The following SCLY variants were observed in gnomAD, a reference collection of about 807,000 sequenced individuals.
SCLY encodes the protein selenocysteine lyase.
Under a neutral mutation model 50.1 loss-of-function variants are expected in SCLY, and 38 were observed. The ratio of observed to expected loss-of-function variants is 0.76; its 90% CI spans 0.59 to 0.99. The LOEUF (loss-of-function observed/expected upper bound fraction) is 0.99. SCLY is among the 50% of genes least tolerant of loss of function. The probability of loss-of-function intolerance (pLI) is 0.00; values close to 1 mark genes in which losing one functional copy is unlikely to be tolerated. For synonymous variants in SCLY, 243 were observed against 249.4 expected (o/e 0.97, Z 0.24); for missense variants, 600 against 620.0 (o/e 0.97, Z 0.34).
intron 10 of SCLY, chr2:238,094,779 G>T (rs145501870): frequency 1.8e-5 from 8 of 437,182 alleles, no homozygotes; most frequent in African/African-American, 1.6e-4. Context: ...GCAAACTCTC[G>T]TGTCTGGCAT....
At position 238,093,870 on chromosome 2, in the gene SCLY, C is replaced by G; in HGVS notation, c.931C>G (p.Leu311Val). 6.2e-7 allele frequency: 1 copy of G among 1,613,900 alleles called. No individual in the cohort carries two copies. The highest frequency in any genetic ancestry group is 8.5e-7 in the Non-Finnish European group (1 of 1,179,958). ...GTGTGTCTGCCCCCAGGCCGCGGAG[C>G]TGGTGACCCAGAACTGCGAGGCTTA... The part of the protein sequence containing the change: ...MIAGLGKAAE[L>V]VTQNCEAYEA... Residue 311 changes from leucine to valine, a missense_variant, in exon 9 of 12, where the codon CTG becomes GTG. Leu to Val is a conservative substitution (Grantham distance 32). Transcript: ENST00000254663.
Position 238,091,405 on chromosome 2 carries a change from C to G in SCLY, c.921+151C>G, listed in dbSNP as rs546995651. On this transcript the variant is annotated intron_variant, in intron 8 of 11. Transcript: ENST00000254663. ...AAAGCCTGGAATCTGATTTATCAAC[C>G]TGGAGAGCTGTACTTTTTCAGATCT... 144 of 737,650 alleles carry G rather than the reference C, an allele frequency of 2.0e-4. 2 individuals are homozygous for G. In the South Asian group the frequency reaches 2.1e-3, roughly 11 times the overall value. The allele number at this position is 737,650 out of a possible 1,614,324, so 45.7% of individuals were successfully genotyped here.
intron 9 of SCLY, 84 bp downstream of exon 9, chr2:238,094,028 C>T: frequency 3.3e-6 from 4 of 1,214,998 alleles, no homozygotes; most frequent in Non-Finnish European, 4.8e-6. Flanking sequence ...TGCTCCCAGA[C>T]CCCAGGACCT....
At chr2:238,062,217 G>A (rs1324179067) in intron 1 of SCLY, among the ~76,000 whole-genome samples, 1 of 152,166 alleles carries the variant, frequency 6.6e-6, no homozygotes, top group Non-Finnish European at 1.5e-5. Flanking sequence ...AGATTGAAGA[G>A]CTACAGTCGC....
In SCLY at chr2:238,098,383, T is replaced by C. The variant is rs373375915; in HGVS notation, c.*28T>C. 3.8e-6 allele frequency: 6 copies of C among 1,565,760 alleles called. No homozygotes were observed. The highest frequency in any genetic ancestry group is 5.2e-6 in the Non-Finnish European group (6 of 1,158,976). On this transcript the variant is annotated 3_prime_UTR_variant, in exon 12 of 12. Coordinates refer to ENST00000254663, the MANE Select transcript of SCLY (RefSeq NM_016510.7). The stretch of plus-strand genomic sequence containing the variant: ...CTGGGGCCGCCTTCCCCACCCCGCT[T>C]CTGGGAAGCCCGTGGCAGGGCACAG...
At chr2:238,061,673 G>A (rs2065020047) in intron 1 of SCLY, among the ~76,000 whole-genome samples, 1 of 152,176 alleles carries the variant, frequency 6.6e-6, no homozygotes, top group Non-Finnish European at 1.5e-5. Context: ...ACCTAGGAGA[G>A]AGATGTGGTG....
At chr2:238,073,992 A>C in intron 4 of SCLY, 1 of 276,692 alleles carries the variant, frequency 3.6e-6, no homozygotes, top group South Asian at 3.4e-5. Flanking sequence ...AGTCAACAGT[A>C]GGTTATTTGT....
In SCLY at chr2:238,086,625, G is replaced by A. The variant is rs552182237; in HGVS notation, c.884+3271G>A. Among the ~76,000 whole-genome samples, 125 of 147,634 alleles carry A rather than the reference G, an allele frequency of 8.5e-4. 1 individual carries two copies. The highest frequency in any genetic ancestry group is 7.1e-3 in the Middle Eastern group (2 of 282). On this transcript the variant is annotated intron_variant, in intron 7 of 11. Transcript: ENST00000254663. Reference sequence around the variant, plus strand: ...GGAGGCTGAGGGGGAAGGATCACTCGAGCCCAGAAGTTCGAGGCTGCAGTG... The same window carrying A: ...GGAGGCTGAGGGGGAAGGATCACTCAAGCCCAGAAGTTCGAGGCTGCAGTG...
At chr2:238,095,193 C>CT (rs2065415582) in intron 10 of SCLY, among the ~76,000 whole-genome samples, 1 of 152,162 alleles carries the variant, frequency 6.6e-6, no homozygotes, top group Admixed American at 6.6e-5. Flanking sequence ...GAGTGAGACT[C>CT]TGTCTCAAAC....
At chr2:238,087,808 TG>T (rs1261119061) in intron 7 of SCLY, among the ~76,000 whole-genome samples, 1 of 152,156 alleles carries the variant, frequency 6.6e-6, no homozygotes, top group Non-Finnish European at 1.5e-5. Flanking sequence ...AATTATACAC[TG>T]CTGGGTGTGG....
intron 2 of SCLY, among the ~76,000 whole-genome samples, chr2:238,065,589 GA>G (rs141137142): frequency 0.31 from 47,284 of 150,188 alleles, 9,229 homozygotes; most frequent in Admixed American, 0.43. Context: ...AAATGCAAAA[GA>G]AAAAAAATCA....
intron 1 of SCLY, chr2:238,061,517 AGCCTTATGGG>A (rs145181192): frequency 0.34 from 120,848 of 355,652 alleles, 23,683 homozygotes; most frequent in Admixed American, 0.42. Context: ...GTTCATTCGG[AGCCTTATGGG>A]GCCTCGGAAG....
intron 4 of SCLY, chr2:238,078,615 C>A (rs2065198089): frequency 6.6e-6 from 1 of 151,448 alleles, no homozygotes; most frequent in African/African-American, 2.4e-5. Flanking sequence ...TCTGTTCCTT[C>A]TTCTTTTTTG....
chr2:238,081,916 CA>C, intron 5 of SCLY, 80 bp downstream of exon 5: 1 of 1,579,918 alleles, frequency 6.3e-7, no homozygotes, highest in Non-Finnish European at 8.6e-7. Context: ...TCAGGTTTCC[CA>C]GCTCTGGCCT....
chr2:238,091,229 C>T lies in SCLY; in HGVS notation c.896C>T (p.Thr299Ile). The T allele has an allele frequency of 6.2e-7, 1 of 1,613,550 alleles. No individual in the cohort carries two copies. The highest frequency in any genetic ancestry group is 8.5e-7 in the Non-Finnish European group (1 of 1,179,474). Reference protein sequence around the residue: ...ERNFRPGTENTPMIAGLGKAA... With the variant: ...ERNFRPGTENIPMIAGLGKAA... Reference sequence around the variant, plus strand: ...CTTGTTTCTTACAGGACAGAGAACACCCCAATGATTGCTGGCCTTGGGAAG... The same window carrying T: ...CTTGTTTCTTACAGGACAGAGAACATCCCAATGATTGCTGGCCTTGGGAAG... The change falls in exon 8 of 12, where the codon ACC becomes ATC. Residue 299 changes from threonine (T) to isoleucine (I), a missense_variant. By Grantham distance (89) the Thr-to-Ile change is moderately conservative. Transcript: ENST00000254663.
Position 238,085,810 on chromosome 2 carries a change from C to T in SCLY, c.884+2456C>T, listed in dbSNP as rs749777559. ...ATATAACATTCGTTTCATTGAAATCCCTGAAACAGAGAAAGATGACAGCCT... is the reference window on the plus strand; with the variant it reads ...ATATAACATTCGTTTCATTGAAATCTCTGAAACAGAGAAAGATGACAGCCT... On this transcript the variant is annotated intron_variant, in intron 7 of 11. Coordinates refer to ENST00000254663, the MANE Select transcript of SCLY (RefSeq NM_016510.7). Among the ~76,000 whole-genome samples the T allele has an allele frequency of 5.3e-5, 8 of 152,124 alleles. No individual in the cohort carries two copies. In the Middle Eastern group the frequency reaches 0.014, roughly 259 times the overall value.
At chr2:238,079,599 A>G (rs998694573) in intron 4 of SCLY, 3 of 152,186 alleles carry the variant, frequency 2.0e-5, no homozygotes, top group African/African-American at 7.2e-5. Context: ...TATACATGTT[A>G]TTTTATACAG....
At chr2:238,096,710 A>C (rs1188817729) in intron 10 of SCLY, 91 bp from the exon 11 acceptor site, 43 of 1,377,078 alleles carry the variant, frequency 3.1e-5, no homozygotes, top group Non-Finnish European at 3.8e-5. Context: ...AGAGGGAGGG[A>C]AGCAGCCTGC....
intron 11 of SCLY, 130 bp from the exon 12 acceptor site, chr2:238,098,072 G>A: frequency 9.3e-7 from 1 of 1,076,398 alleles, no homozygotes; most frequent in Non-Finnish European, 1.3e-6. Context: ...AGCAGGAGGT[G>A]GATGCCAGGC....
Sources: gnomAD v4.1 joint callset for allele counts (sites outside exome capture counted in the v4.1 genomes callset) on GRCh38, gnomAD v4.1.1 for gene constraint, MANE v1.5 for transcripts, NCBI Gene and HGNC (gene_info 2026-07-23, HGNC 2026-07-21) for gene names.